AKR1C8: variants seen among roughly 807,000 people sequenced by gnomAD.
AKR1C8 encodes the protein aldo-keto reductase family 1 member C-like protein 1.
the AKR1C8 span, among the ~76,000 whole-genome samples, chr10:5,146,367 T>A: frequency 1.3e-5 from 2 of 151,992 alleles, no homozygotes; most frequent in African/African-American, 2.4e-5. Flanking sequence ...AGAAAAAAAA[T>A]TATTCAATAA....
the AKR1C8 span, among the ~76,000 whole-genome samples, chr10:5,134,753 G>A: frequency 6.6e-6 from 1 of 152,254 alleles, no homozygotes; most frequent in African/African-American, 2.4e-5. Context: ...GTTCGATCAT[G>A]TATACTTGGA....
chr10:5,174,047 C>A, the AKR1C8 span, among the ~76,000 whole-genome samples: 1 of 151,988 alleles, frequency 6.6e-6, no homozygotes, highest in African/African-American at 2.4e-5. Context: ...CTTGTGGAAC[C>A]TGAACCCAAA....
At chr10:5,143,039 C>T in the AKR1C8 span, among the ~76,000 whole-genome samples, 1 of 151,912 alleles carries the variant, frequency 6.6e-6, no homozygotes, top group Non-Finnish European at 1.5e-5. Flanking sequence ...TTTTAGGTGC[C>T]AACTGGATTG....
the AKR1C8 span, among the ~76,000 whole-genome samples, chr10:5,150,134 G>A: frequency 6.6e-6 from 1 of 152,114 alleles, no homozygotes; most frequent in Non-Finnish European, 1.5e-5. Context: ...GGGATTCCAG[G>A]ATGTTTTCTT....
the AKR1C8 span, among the ~76,000 whole-genome samples, chr10:5,138,650 A>C: frequency 6.6e-6 from 1 of 152,196 alleles, no homozygotes; most frequent in Non-Finnish European, 1.5e-5. Flanking sequence ...AAATTATAAA[A>C]GTATTATTTG....
chr10:5,152,979 A>G, the AKR1C8 span, among the ~76,000 whole-genome samples: 1 of 152,134 alleles, frequency 6.6e-6, no homozygotes, highest in African/African-American at 2.4e-5. Flanking sequence ...CTTGAAAAAA[A>G]AGTTTGGAAT....
chr10:5,130,021 G>T, the AKR1C8 span, among the ~76,000 whole-genome samples: 1 of 151,566 alleles, frequency 6.6e-6, no homozygotes, highest in Admixed American at 6.6e-5. Context: ...AAATCCTCAA[G>T]AAAATACTAG....
the AKR1C8 span, chr10:5,161,025 C>T: frequency 2.5e-6 from 1 of 393,760 alleles, no homozygotes; most frequent in Non-Finnish European, 5.0e-6. Context: ...ATATTTGTGC[C>T]TACATTTGCA....
chr10:5,130,641 G>C, the AKR1C8 span, among the ~76,000 whole-genome samples: 1 of 151,838 alleles, frequency 6.6e-6, no homozygotes, highest in African/African-American at 2.4e-5. Flanking sequence ...CAACCATGCT[G>C]AGAGTCAAAT....
At chr10:5,175,853 G>C in the AKR1C8 span, among the ~76,000 whole-genome samples, 1 of 152,072 alleles carries the variant, frequency 6.6e-6, no homozygotes, top group Non-Finnish European at 1.5e-5. Context: ...ATTTGTTTGA[G>C]TTCATTGTAG....
At chr10:5,151,105 T>G in the AKR1C8 span, among the ~76,000 whole-genome samples, 1 of 151,908 alleles carries the variant, frequency 6.6e-6, no homozygotes. Flanking sequence ...AGTTCATGGG[T>G]GGGGGGCACA....
At chr10:5,146,328 C>G in the AKR1C8 span, among the ~76,000 whole-genome samples, 1 of 151,420 alleles carries the variant, frequency 6.6e-6, no homozygotes, top group Non-Finnish European at 1.5e-5. Flanking sequence ...GCACATGTAC[C>G]CTAAAACTTA....
chr10:5,125,146 T>C, the AKR1C8 span, among the ~76,000 whole-genome samples: 215 of 152,276 alleles, frequency 1.4e-3, no homozygotes, highest in African/African-American at 4.5e-3. Context: ...ACATCTTTTA[T>C]TAGGTATACT....
At chr10:5,167,273 C>T in the AKR1C8 span, among the ~76,000 whole-genome samples, 1 of 152,146 alleles carries the variant, frequency 6.6e-6, no homozygotes, top group Non-Finnish European at 1.5e-5. Flanking sequence ...ACCCAGCAAT[C>T]CCATTACTGG....
At chr10:5,145,016 A>T in the AKR1C8 span, among the ~76,000 whole-genome samples, 23 of 151,652 alleles carry the variant, frequency 1.5e-4, no homozygotes, top group African/African-American at 5.6e-4. Flanking sequence ...TTTGTCATAG[A>T]TAGCTCTTAT....
At chr10:5,142,189 T>C in the AKR1C8 span, among the ~76,000 whole-genome samples, 7 of 152,168 alleles carry the variant, frequency 4.6e-5, no homozygotes, top group Non-Finnish European at 8.8e-5. Flanking sequence ...CTCTGCCGCA[T>C]CCTCACCTCT....
chr10:5,167,950 GTTA>G, the AKR1C8 span, among the ~76,000 whole-genome samples: 4 of 151,840 alleles, frequency 2.6e-5, no homozygotes, highest in African/African-American at 4.8e-5. Context: ...CATAACTGTG[GTTA>G]TTATGTTGTA....
the AKR1C8 span, among the ~76,000 whole-genome samples, chr10:5,147,115 G>A: frequency 1.3e-5 from 2 of 152,200 alleles, no homozygotes; most frequent in African/African-American, 2.4e-5. Flanking sequence ...CGTGGAGTTA[G>A]CATGCGCTGA....
At chr10:5,168,800 C>A in the AKR1C8 span, among the ~76,000 whole-genome samples, 2 of 152,096 alleles carry the variant, frequency 1.3e-5, no homozygotes, top group Non-Finnish European at 2.9e-5. Context: ...CCCTTGAAAA[C>A]CCTAACTAGA....
Sources: gnomAD v4.1 joint callset for allele counts (sites outside exome capture counted in the v4.1 genomes callset) on GRCh38, gnomAD v4.1.1 for gene constraint, MANE v1.5 for transcripts, NCBI Gene and HGNC (gene_info 2026-07-23, HGNC 2026-07-21) for gene names.